Variants in RCN3 observed in about 807,000 individuals in gnomAD.
RCN3 encodes reticulocalbin 3, also known as reticulocalbin-3.
Under a neutral mutation model 35.9 loss-of-function variants are expected in RCN3, and 41 were observed. That is an observed-to-expected ratio of 1.14 (90% CI 0.89 to 1.48). The LOEUF (loss-of-function observed/expected upper bound fraction) is 1.48. Among genes scored for constraint, RCN3 ranks in the 40% most tolerant of loss-of-function variants. RCN3 has a pLI of 0.00. For synonymous variants in RCN3, 187 were observed against 193.4 expected (o/e 0.97, Z 0.27); for missense variants, 451 against 471.3 (o/e 0.96, Z 0.40).
At chr19:49,529,913 C>T (rs1211417984) in intron 2 of RCN3, among the ~76,000 whole-genome samples, 2 of 151,124 alleles carry the variant, frequency 1.3e-5, no homozygotes, top group Non-Finnish European at 2.9e-5. Flanking sequence ...CTAGCCACCA[C>T]GCCCAGCTAA....
chr19:49,534,199 C>T lies in RCN3; in HGVS notation c.249C>T (p.Ile83=), dbSNP rs539815379. ...PEESQARLGR[I]VDRMDRAGDG... ...TGCCCGCCCCGGCTTCTAGGCGGATCGTGGACCGCATGGACCGCGCGGGGG... is the reference window on the plus strand; with the variant it reads ...TGCCCGCCCCGGCTTCTAGGCGGATTGTGGACCGCATGGACCGCGCGGGGG... The change falls in exon 3 of 7, where the codon ATC becomes ATT. Residue 83 remains isoleucine, a synonymous_variant. Coordinates refer to ENST00000270645, the MANE Select transcript of RCN3 (RefSeq NM_020650.3). The T allele has an allele frequency of 3.3e-6, 5 of 1,493,484 alleles. No individual in the cohort carries two copies. The highest frequency in any genetic ancestry group is 2.6e-5 in the East Asian group (1 of 37,896). 92.5% of individuals were successfully genotyped at this position (1,493,484 alleles called of 1,614,324 possible). A position where few individuals can be genotyped will look rare whatever the true frequency, so the allele number is the denominator to read the frequency against.
At chr19:49,530,479 G>A (rs546999756) in intron 2 of RCN3, among the ~76,000 whole-genome samples, 5 of 149,242 alleles carry the variant, frequency 3.4e-5, no homozygotes, top group African/African-American at 1.2e-4. Flanking sequence ...CCAGGCCCAG[G>A]TAATTTTTCT....
intron 6 of RCN3, 111 bp downstream of exon 6, chr19:49,542,863 A>G: frequency 9.3e-7 from 1 of 1,071,516 alleles, no homozygotes; most frequent in South Asian, 1.6e-5. Context: ...TAGGTGGGAT[A>G]AAAAAAGAGG....
intron 2 of RCN3, among the ~76,000 whole-genome samples, chr19:49,533,442 G>A (rs2080118480): frequency 1.3e-5 from 2 of 152,178 alleles, no homozygotes; most frequent in Admixed American, 6.6e-5. Flanking sequence ...AGGGAGAGGA[G>A]AGGGGCCCGA....
At chr19:49,541,209 C>T (rs936252944) in intron 5 of RCN3, among the ~76,000 whole-genome samples, 7 of 151,894 alleles carry the variant, frequency 4.6e-5, no homozygotes, top group Non-Finnish European at 8.8e-5. Flanking sequence ...GGATTACAGG[C>T]GCGAACCACC....
At chr19:49,531,223 G>C (rs2080106850) in intron 2 of RCN3, among the ~76,000 whole-genome samples, 1 of 152,212 alleles carries the variant, frequency 6.6e-6, no homozygotes, top group Admixed American at 6.6e-5. Context: ...GGAGGCTGAG[G>C]AGGGAGGATC....
chr19:49,531,583 G>C (rs1299532093), intron 2 of RCN3, among the ~76,000 whole-genome samples: 1 of 152,164 alleles, frequency 6.6e-6, no homozygotes, highest in Non-Finnish European at 1.5e-5. Context: ...AGCCCAGTGA[G>C]GAAGCGACTG....
chr19:49,539,578 C>G (rs747141083), intron 5 of RCN3, among the ~76,000 whole-genome samples: 2 of 149,252 alleles, frequency 1.3e-5, no homozygotes, highest in Admixed American at 6.7e-5. Flanking sequence ...TGCGCCTGCA[C>G]AGCAAACACT....
At position 49,543,370 on chromosome 19, in the gene RCN3, CTGT is replaced by C. The variant is rs1373166509; in HGVS notation, c.*158_*160del. 14 of 647,504 alleles carry C rather than the reference CTGT, an allele frequency of 2.2e-5. No individual in the cohort carries two copies. The highest frequency in any genetic ancestry group is 2.8e-5 in the Non-Finnish European group (10 of 361,448). The allele number at this position is 647,504 out of a possible 1,614,324, so 40.1% of individuals were successfully genotyped here. ...TCTCAGGGACCCCCTGGGTCGGCTT[CTGT>C]CCCTGTCACACCCCCAACCCCAGGG... On this transcript the variant is annotated 3_prime_UTR_variant, in exon 7 of 7. Coordinates refer to ENST00000270645, the MANE Select transcript of RCN3 (RefSeq NM_020650.3).
rs2080140452 is a variant in RCN3 at position 49,537,200 on chromosome 19, A to T, written c.613A>T (p.Ile205Phe). The change falls in exon 4 of 7, where the codon ATT becomes TTT. Residue 205 changes from isoleucine to phenylalanine, a missense_variant. Coordinates refer to ENST00000270645, the MANE Select transcript of RCN3 (RefSeq NM_020650.3). The stretch of plus-strand genomic sequence containing the variant: ...GTTCCCTCACATGCGGGACATCGTG[A>T]TTGCTGTGAGTGGCGGCTGGGGAAC... ...EEFPHMRDIVIAETLEDLDRN... is the reference protein window; with the variant it reads ...EEFPHMRDIVFAETLEDLDRN... 1 of 1,515,466 alleles carries T rather than the reference A, an allele frequency of 6.6e-7. No homozygotes were observed. The highest frequency in any genetic ancestry group is 8.9e-7 in the Non-Finnish European group (1 of 1,125,108). 93.9% of individuals were successfully genotyped at this position (1,515,466 alleles called of 1,614,324 possible).
chr19:49,541,961 C>A (rs2080164682), intron 5 of RCN3, among the ~76,000 whole-genome samples: 2 of 146,128 alleles, frequency 1.4e-5, no homozygotes, highest in Admixed American at 1.4e-4. Context: ...GCCTGGGCAA[C>A]AAGAGCGAAA....
chr19:49,533,515 C>CA (rs1461058654), intron 2 of RCN3, among the ~76,000 whole-genome samples: 2 of 151,994 alleles, frequency 1.3e-5, no homozygotes, highest in African/African-American at 4.8e-5. Context: ...TGACATGCGA[C>CA]AGGGAGGGGC....
At position 49,528,541 on chromosome 19, in the gene RCN3, C is replaced by A; in HGVS notation, c.69C>A (p.Ser23=). ...LLRHGAQGKP[S]PDAGPHGQGR... ...GGCACGGGGCCCAGGGGAAGCCATC[C>A]CCAGACGCAGGCCCTCATGGCCAGG... Residue 23 remains serine, a synonymous_variant, in exon 2 of 7, where the codon TCC becomes TCA. Coordinates refer to ENST00000270645, the MANE Select transcript of RCN3 (RefSeq NM_020650.3). 1 of 1,576,976 alleles carries A rather than the reference C, an allele frequency of 6.3e-7. No homozygotes were observed.
chr19:49,528,656 C>T lies in RCN3; in HGVS notation c.184C>T (p.Arg62Trp), dbSNP rs2080093656. The change falls in exon 2 of 7, where the codon CGG (arginine) becomes TGG (tryptophan). Residue 62 changes from arginine to tryptophan, a missense_variant. Coordinates refer to ENST00000270645, the MANE Select transcript of RCN3 (RefSeq NM_020650.3). The part of the protein sequence containing the change: ...FQYDHEAFLG[R>W]EVAKEFDQLT... ...GTACGACCATGAGGCTTTCCTGGGA[C>T]GGGAAGTGGCCAAGGAATTCGACCA... 6.2e-7 allele frequency: 1 copy of T among 1,611,216 alleles called. No individual in the cohort carries two copies. The highest frequency in any genetic ancestry group is 1.3e-5 in the African/African-American group (1 of 74,648).
intron 2 of RCN3, among the ~76,000 whole-genome samples, chr19:49,533,595 T>TCAGGCAGTGCCTGATTCAGCCGGGAG (rs1323873082): frequency 1.7e-4 from 26 of 151,982 alleles, no homozygotes; most frequent in Non-Finnish European, 2.8e-4. Flanking sequence ...GTGATGGTCC[T>TCAGGCAGTGCCTGATTCAGCCGGGAG]CAGGCAGTGC....
At chr19:49,542,320 A>G (rs1259135362) in intron 5 of RCN3, among the ~76,000 whole-genome samples, 3 of 152,220 alleles carry the variant, frequency 2.0e-5, no homozygotes, top group African/African-American at 4.8e-5. Flanking sequence ...AATGAAATCA[A>G]TCAATCATGC....
At chr19:49,541,066 G>T (rs543219870) in intron 5 of RCN3, among the ~76,000 whole-genome samples, 15 of 152,126 alleles carry the variant, frequency 9.9e-5, no homozygotes, top group African/African-American at 3.6e-4. Flanking sequence ...GAGTAGGTGG[G>T]ATTATGGGCG....
chr19:49,543,099 C>A lies in RCN3; in HGVS notation c.880-7C>A, dbSNP rs2080171321. 3 of 1,612,694 alleles carry A rather than the reference C, an allele frequency of 1.9e-6. No individual in the cohort carries two copies. Among genetic ancestry groups the A allele is most frequent in the African/African-American group, 2.7e-5 (2 of 74,874 alleles). ...TTGTCCCCTCTGAACCCTGACCCTC[C>A]CTCCAGGATGGGCGGCTGAGCAAAG... is the stretch of plus-strand genomic sequence containing the variant. On this transcript the variant is annotated splice_region_variant and splice_polypyrimidine_tract_variant and intron_variant, in intron 6 of 6. Coordinates refer to ENST00000270645, the MANE Select transcript of RCN3 (RefSeq NM_020650.3).
intron 2 of RCN3, among the ~76,000 whole-genome samples, chr19:49,529,006 A>AT (rs1272967489): frequency 6.6e-6 from 1 of 152,040 alleles, no homozygotes; most frequent in Non-Finnish European, 1.5e-5. Flanking sequence ...ACATGGTGAA[A>AT]TCCCGTCTCT....
Sources: allele counts gnomAD v4.1 joint callset (sites outside exome capture counted in the v4.1 genomes callset), GRCh38; gene constraint gnomAD v4.1.1; transcripts MANE v1.5; gene names NCBI Gene and HGNC (gene_info 2026-07-23, HGNC 2026-07-21).